IGF2BP3: variants seen among roughly 807,000 people sequenced by gnomAD.
IGF2BP3 encodes insulin like growth factor 2 mRNA binding protein 3.
In IGF2BP3, 9 loss-of-function variants were observed where a neutral mutation model predicts 73.8. That is an observed-to-expected ratio of 0.12 (90% CI 0.07 to 0.21). The LOEUF (loss-of-function observed/expected upper bound fraction) is 0.21, where lower values mean the gene tolerates loss of function less well. Ranked by LOEUF, IGF2BP3 falls within the 10% of genes least tolerant of loss-of-function variation. The pLI, the probability that IGF2BP3 is intolerant of heterozygous loss-of-function variation, is 1.00. For missense variants in IGF2BP3, 542 were observed against 714.0 expected (o/e 0.76, Z 2.75); for synonymous variants, 258 against 256.7 (o/e 1.01, Z -0.05).
intron 5 of IGF2BP3, among the ~76,000 whole-genome samples, chr7:23,352,379 C>T (rs1308189113): frequency 6.7e-6 from 1 of 150,358 alleles, no homozygotes; most frequent in East Asian, 2.0e-4. Flanking sequence ...ACCTCTGCCT[C>T]CGGGGTTCAA....
At chr7:23,359,956 A>C (rs1785184532) in intron 5 of IGF2BP3, among the ~76,000 whole-genome samples, 1 of 151,986 alleles carries the variant, frequency 6.6e-6, no homozygotes, top group Admixed American at 6.6e-5. Context: ...ATTGCCAAAA[A>C]ATTTTACATG....
At chr7:23,440,824 T>C (rs1787915464) in intron 2 of IGF2BP3, among the ~76,000 whole-genome samples, 1 of 152,210 alleles carries the variant, frequency 6.6e-6, no homozygotes, top group Non-Finnish European at 1.5e-5. Context: ...CCACATCATA[T>C]ACATAAACAA....
chr7:23,419,562 C>A (rs916590484), intron 2 of IGF2BP3, among the ~76,000 whole-genome samples: 4 of 152,170 alleles, frequency 2.6e-5, no homozygotes, highest in Non-Finnish European at 5.9e-5. Context: ...CATTTTAAAA[C>A]ATCCTGAGGC....
At chr7:23,376,517 A>G (rs1458424107) in intron 3 of IGF2BP3, among the ~76,000 whole-genome samples, 2 of 144,600 alleles carry the variant, frequency 1.4e-5, no homozygotes, top group African/African-American at 5.2e-5. Context: ...CCTGGGCAAC[A>G]GAGTAAGGCT....
intron 3 of IGF2BP3, among the ~76,000 whole-genome samples, chr7:23,381,730 A>C (rs534061157): frequency 7.4e-4 from 112 of 152,040 alleles, no homozygotes; most frequent in African/African-American, 2.5e-3. Context: ...CACCACGCCC[A>C]GCTAATTTTT....
intron 3 of IGF2BP3, among the ~76,000 whole-genome samples, chr7:23,397,781 A>G (rs1404722921): frequency 6.6e-6 from 1 of 152,206 alleles, no homozygotes; most frequent in Non-Finnish European, 1.5e-5. Context: ...CTGGTGGTAA[A>G]TTGAATAATG....
At chr7:23,364,388 AAAC>A (rs1345531870) in intron 3 of IGF2BP3, among the ~76,000 whole-genome samples, 3 of 151,114 alleles carry the variant, frequency 2.0e-5, no homozygotes, top group Non-Finnish European at 3.0e-5. Context: ...AAAAAAGAAA[AAAC>A]AACAAAATTA....
intron 3 of IGF2BP3, among the ~76,000 whole-genome samples, chr7:23,364,241 G>A (rs924540158): frequency 9.9e-5 from 15 of 152,088 alleles, no homozygotes; most frequent in African/African-American, 3.6e-4. Flanking sequence ...GGGCACGGTG[G>A]TGCGCGCTTG....
chr7:23,354,845 T>C (rs17148053), intron 5 of IGF2BP3, among the ~76,000 whole-genome samples: 1,772 of 152,294 alleles, frequency 0.012, 38 homozygotes, highest in African/African-American at 0.04. Flanking sequence ...GACTGTCTAA[T>C]TGCCATCTAA....
rs139723721 is a variant in IGF2BP3 at position 23,442,440 on chromosome 7, C to G, written c.237-23616G>C. Among the ~76,000 whole-genome samples, 327 of 152,248 alleles carry G rather than the reference C, an allele frequency of 2.1e-3. 1 individual carries two copies. The highest frequency in any genetic ancestry group is 0.014 in the Middle Eastern group (4 of 294). On this transcript the variant is annotated intron_variant, in intron 2 of 14. Transcript: ENST00000258729. ...TTAGATGGAGACTTGCTCTGTCACCCAGGCTGGAGTACAGTGGCCTGATCT... is the reference window on the plus strand; with the variant it reads ...TTAGATGGAGACTTGCTCTGTCACCGAGGCTGGAGTACAGTGGCCTGATCT...
chr7:23,430,988 C>T (rs541502669), intron 2 of IGF2BP3, among the ~76,000 whole-genome samples: 11 of 152,274 alleles, frequency 7.2e-5, no homozygotes, highest in African/African-American at 2.2e-4. Context: ...GCGCTTATGA[C>T]ACTGTTCACT....
chr7:23,439,068 C>T (rs1233731095), intron 2 of IGF2BP3, among the ~76,000 whole-genome samples: 1 of 151,922 alleles, frequency 6.6e-6, no homozygotes, highest in Middle Eastern at 3.2e-3. Flanking sequence ...CGAAGTGAGA[C>T]CTCATCTCAA....
At chr7:23,389,856 T>C (rs1160615732) in intron 3 of IGF2BP3, among the ~76,000 whole-genome samples, 7 of 147,342 alleles carry the variant, frequency 4.8e-5, no homozygotes, top group South Asian at 2.1e-4. Flanking sequence ...AAAAATTAGC[T>C]GGGTGTGGTA....
At chr7:23,392,836 G>T (rs1402495980) in intron 3 of IGF2BP3, among the ~76,000 whole-genome samples, 1 of 152,030 alleles carries the variant, frequency 6.6e-6, no homozygotes, top group Admixed American at 6.6e-5. Context: ...TTATCATGTT[G>T]CCCAGGCTGA....
intron 3 of IGF2BP3, among the ~76,000 whole-genome samples, chr7:23,385,710 C>T (rs1053333950): frequency 4.0e-5 from 6 of 151,786 alleles, no homozygotes; most frequent in African/African-American, 1.2e-4. Context: ...TTCCCCCTAC[C>T]GCCCATCTAT....
At chr7:23,418,964 C>T in intron 2 of IGF2BP3, 140 bp from the exon 3 acceptor site, 2 of 579,910 alleles carry the variant, frequency 3.4e-6, no homozygotes, top group Non-Finnish European at 6.0e-6. Context: ...AAATACAGCC[C>T]AAGAAGGAAA....
intron 3 of IGF2BP3, among the ~76,000 whole-genome samples, chr7:23,386,065 G>A (rs769886959): frequency 3.9e-5 from 6 of 152,276 alleles, no homozygotes; most frequent in South Asian, 2.1e-4. Context: ...ATAGAGAGAG[G>A]TGGGATAGAT....
intron 3 of IGF2BP3, among the ~76,000 whole-genome samples, chr7:23,408,467 CCTA>C (rs2128529724): frequency 6.6e-6 from 1 of 152,164 alleles, no homozygotes; most frequent in South Asian, 2.1e-4. Flanking sequence ...ATAATATTCA[CCTA>C]CTATTTAGAA....
At chr7:23,389,480 G>A (rs1006900010) in intron 3 of IGF2BP3, among the ~76,000 whole-genome samples, 1 of 151,690 alleles carries the variant, frequency 6.6e-6, no homozygotes, top group Admixed American at 6.6e-5. Context: ...TGTTTAATGT[G>A]TGAAAAGGCT....
Sources: gnomAD v4.1 joint callset for allele counts (sites outside exome capture counted in the v4.1 genomes callset) on GRCh38, gnomAD v4.1.1 for gene constraint, MANE v1.5 for transcripts, NCBI Gene and HGNC (gene_info 2026-07-23, HGNC 2026-07-21) for gene names.